The following LIPA variants were observed in gnomAD, a reference collection of about 807,000 sequenced individuals.
The protein encoded by LIPA is lysosomal acid lipase/cholesteryl ester hydrolase.
A neutral mutation model predicts 40.6 loss-of-function variants in LIPA; 26 were observed. The ratio of observed to expected loss-of-function variants is 0.64; its 90% CI spans 0.47 to 0.89. The LOEUF (loss-of-function observed/expected upper bound fraction) is 0.89, where lower values mean the gene tolerates loss of function less well. LIPA is among the 40% of genes least tolerant of loss of function. The pLI is 0.00. For missense variants in LIPA, 455 were observed against 479.6 expected (o/e 0.95, Z 0.48); for synonymous variants, 188 against 168.4 (o/e 1.12, Z -0.90).
At chr10:89,324,703 G>A (rs1379229031) in intron 1 of LIPA, among the ~76,000 whole-genome samples, 2 of 152,144 alleles carry the variant, frequency 1.3e-5, no homozygotes, top group African/African-American at 4.8e-5. Context: ...TAAAAAGTGG[G>A]CAAAGGACAT....
intron 2 of LIPA, chr10:89,403,012 A>G (rs975131488): frequency 6.2e-7 from 1 of 1,614,246 alleles, no homozygotes; most frequent in Non-Finnish European, 8.5e-7. Context: ...GCTCTAGCCA[A>G]CATGTCCTCA....
At chr10:89,339,194 T>G (rs775136197) in intron 1 of LIPA, 1 of 1,614,212 alleles carries the variant, frequency 6.2e-7, no homozygotes, top group Non-Finnish European at 8.5e-7. Context: ...GCAATTGCGA[T>G]GTACCATCTG....
upstream of LIPA, among the ~76,000 whole-genome samples, chr10:89,254,143 C>T (rs554583553): frequency 2.6e-4 from 40 of 152,358 alleles, no homozygotes; most frequent in South Asian, 7.2e-3. Flanking sequence ...GGCAGTGCCC[C>T]ATTGGGGACT....
At chr10:89,299,375 A>G (rs779082091) in intron 1 of LIPA, among the ~76,000 whole-genome samples, 6 of 152,214 alleles carry the variant, frequency 3.9e-5, no homozygotes, top group Admixed American at 1.3e-4. Context: ...GTGACCAAAT[A>G]TATGAATTAT....
At chr10:89,217,121 T>C (rs749678741) in intron 8 of LIPA, among the ~76,000 whole-genome samples, 1 of 152,218 alleles carries the variant, frequency 6.6e-6, no homozygotes, top group Non-Finnish European at 1.5e-5. Context: ...AAACACAAAA[T>C]TGGCAAGCCA....
intron 1 of LIPA, among the ~76,000 whole-genome samples, chr10:89,330,521 C>G (rs1476309058): frequency 6.6e-6 from 1 of 152,132 alleles, no homozygotes; most frequent in Non-Finnish European, 1.5e-5. Flanking sequence ...GTTACCCATG[C>G]CTTAGAGTGG....
intron 2 of LIPA, among the ~76,000 whole-genome samples, chr10:89,382,420 CT>C (rs1276414890): frequency 6.6e-6 from 1 of 152,216 alleles, no homozygotes; most frequent in Non-Finnish European, 1.5e-5. Flanking sequence ...GAGACTAGGA[CT>C]TCAGTTCCAC....
rs2133412154 is a variant in LIPA at position 89,215,075 on chromosome 10, G to A, written c.967-14C>T. 6.4e-7 allele frequency: 1 copy of A among 1,562,636 alleles called. No homozygotes were observed. Among genetic ancestry groups the A allele is most frequent in the Non-Finnish European group, 8.8e-7 (1 of 1,133,086 alleles). On this transcript the variant is annotated splice_polypyrimidine_tract_variant and intron_variant, in intron 9 of 9. Transcript: ENST00000336233. The stretch of plus-strand genomic sequence containing the variant: ...GGGAGGATAACTCTACAATGAAAAG[G>A]AACCAGAGAAAGCCTCGTTGTTGTT...
At chr10:89,227,115 C>G (rs571469230) in intron 4 of LIPA, 111 bp from the exon 5 acceptor site, 867 of 762,224 alleles carry the variant, frequency 1.1e-3, no homozygotes, top group Non-Finnish European at 1.8e-3. Flanking sequence ...GCTGGGAAAA[C>G]CAGCAGTGAG....
At chr10:89,346,696 T>G (rs1843924599), upstream of LIPA, among the ~76,000 whole-genome samples, 1 of 152,198 alleles carries the variant, frequency 6.6e-6, no homozygotes, top group Admixed American at 6.5e-5. Flanking sequence ...CCCTGCACCT[T>G]CTTTTCTTCT....
chr10:89,384,917 G>A, intron 2 of LIPA: 1 of 576,034 alleles, frequency 1.7e-6, no homozygotes, highest in East Asian at 2.8e-5. Flanking sequence ...TCCTGTAAAT[G>A]ATCAGGAAAG....
In LIPA at chr10:89,328,656, C is replaced by A. The variant is rs1048193671; in HGVS notation, c.-2+13955G>T. Reference sequence around the variant, plus strand: ...TGGGAAGTGGAAGAAACAATTCTTACAAATGGGCATTTTTGTCATTTCTTA... The same window carrying A: ...TGGGAAGTGGAAGAAACAATTCTTAAAAATGGGCATTTTTGTCATTTCTTA... On this transcript the variant is annotated intron_variant, in intron 1 of 5. Transcript: ENST00000282673. Among the ~76,000 whole-genome samples, 9 of 152,270 alleles carry A rather than the reference C, an allele frequency of 5.9e-5. No homozygotes were observed. In the South Asian group the frequency reaches 1.5e-3, roughly 25 times the overall value.
At chr10:89,286,992 G>A (rs1358039438) in intron 1 of LIPA, among the ~76,000 whole-genome samples, 3 of 152,206 alleles carry the variant, frequency 2.0e-5, no homozygotes, top group Non-Finnish European at 2.9e-5. Context: ...TCTGGCCACT[G>A]GGCCAAGGAA....
intron 2 of LIPA, among the ~76,000 whole-genome samples, chr10:89,411,339 G>T (rs1841467911): frequency 6.6e-6 from 1 of 152,058 alleles, no homozygotes; most frequent in Non-Finnish European, 1.5e-5. Flanking sequence ...AACTCTTGTA[G>T]AAGCAGTGTT....
At chr10:89,362,594 G>A (rs1462493884) in intron 2 of LIPA, 3 of 333,334 alleles carry the variant, frequency 9.0e-6, no homozygotes, top group Non-Finnish European at 1.7e-5. Flanking sequence ...AACTTTGCCT[G>A]GGCTGGGGCA....
chr10:89,371,311 C>T (rs1340511420), intron 2 of LIPA, among the ~76,000 whole-genome samples: 2 of 152,160 alleles, frequency 1.3e-5, no homozygotes, highest in African/African-American at 2.4e-5. Flanking sequence ...AAGCTTGTGG[C>T]CTGCTTACAG....
At chr10:89,373,973 C>A (rs964502886) in intron 2 of LIPA, among the ~76,000 whole-genome samples, 2 of 152,162 alleles carry the variant, frequency 1.3e-5, no homozygotes, top group Non-Finnish European at 2.9e-5. Flanking sequence ...AGAAAACTTA[C>A]TGATAATACT....
At chr10:89,271,405 A>T (rs184705316) in intron 1 of LIPA, among the ~76,000 whole-genome samples, 157 of 152,272 alleles carry the variant, frequency 1.0e-3, no homozygotes, top group African/African-American at 3.6e-3. Context: ...AGCTTCATTA[A>T]CCTGGAAAGT....
upstream of LIPA, among the ~76,000 whole-genome samples, chr10:89,256,421 A>G (rs1349771513): frequency 1.3e-5 from 2 of 152,220 alleles, no homozygotes; most frequent in Non-Finnish European, 2.9e-5. Flanking sequence ...GATTCAGAAG[A>G]TATAAAAGCT....
Sources: gnomAD v4.1 joint callset for allele counts (sites outside exome capture counted in the v4.1 genomes callset) on GRCh38, gnomAD v4.1.1 for gene constraint, MANE v1.5 for transcripts, NCBI Gene and HGNC (gene_info 2026-07-23, HGNC 2026-07-21) for gene names.